AKAP12: variants seen among roughly 807,000 people sequenced by gnomAD.
AKAP12 encodes A-kinase anchoring protein 12, also known as A-kinase anchor protein 12.
Under a neutral mutation model 79.9 loss-of-function variants are expected in AKAP12, and 32 were observed. The observed-to-expected ratio is 0.40, with a 90% CI of 0.30 to 0.54. AKAP12 has a LOEUF of 0.54. Ranked by LOEUF, AKAP12 falls within the 20% of genes least tolerant of loss-of-function variation. The probability of loss-of-function intolerance (pLI) is 0.48; values close to 1 mark genes in which losing one functional copy is unlikely to be tolerated. For missense variants in AKAP12, 2,074 were observed against 2,177.0 expected, an observed-to-expected ratio of 0.95 and a Z score of 0.94; for synonymous variants, 808 against 857.0, an observed-to-expected ratio of 0.94 and a Z score of 1.00.
intron 3 of AKAP12, among the ~76,000 whole-genome samples, chr6:151,310,218 G>A (rs925288999): frequency 3.3e-5 from 5 of 152,008 alleles, no homozygotes; most frequent in Non-Finnish European, 7.4e-5. Context: ...CAAAAAATTA[G>A]CTGGGCGTGG....
At chr6:151,324,758 G>A (rs1047667215) in intron 3 of AKAP12, 34 of 985,200 alleles carry the variant, frequency 3.5e-5, no homozygotes, top group Non-Finnish European at 4.0e-5. Context: ...AAAAATTGGA[G>A]TACAAAAAAA....
At chr6:151,311,746 C>G (rs1278860385) in intron 3 of AKAP12, among the ~76,000 whole-genome samples, 1 of 152,188 alleles carries the variant, frequency 6.6e-6, no homozygotes, top group Non-Finnish European at 1.5e-5. Context: ...CCCACCAGCT[C>G]CTGGTGTACA....
chr6:151,243,398 C>G (rs1797015123), intron 2 of AKAP12, among the ~76,000 whole-genome samples: 1 of 152,192 alleles, frequency 6.6e-6, no homozygotes, highest in Non-Finnish European at 1.5e-5. Context: ...GATTTACTTT[C>G]CTTTTTTTCT....
intron 3 of AKAP12, among the ~76,000 whole-genome samples, chr6:151,336,717 T>C (rs538728194): frequency 2.6e-4 from 39 of 152,334 alleles, no homozygotes; most frequent in African/African-American, 9.4e-4. Flanking sequence ...CACTCCAGCC[T>C]GGGCGACAGA....
chr6:151,275,757 A>G (rs1304459608), intron 2 of AKAP12, among the ~76,000 whole-genome samples: 1 of 152,158 alleles, frequency 6.6e-6, no homozygotes. Flanking sequence ...CCTGCGTATC[A>G]TTTTCCTTCC....
chr6:151,357,633 T>C lies in AKAP12; in HGVS notation c.*1919T>C, dbSNP rs913065807. 6.6e-6 allele frequency: 1 copy of C among 151,534 alleles called. No homozygotes were observed. The highest frequency in any genetic ancestry group is 2.4e-5 in the African/African-American group (1 of 41,310). 9.4% of individuals were successfully genotyped at this position (151,534 alleles called of 1,614,324 possible). A position where few individuals can be genotyped will look rare whatever the true frequency, so the allele number is the denominator to read the frequency against. ...GGAAGTCATCTTTTAGGAGTTATTC[T>C]CAAATATATATAATAGCTACCCATG... On this transcript the variant is annotated 3_prime_UTR_variant, in exon 5 of 5. Coordinates refer to ENST00000402676, the MANE Select transcript of AKAP12 (RefSeq NM_005100.4).
At chr6:151,254,412 T>C (rs1797249986) in intron 2 of AKAP12, among the ~76,000 whole-genome samples, 1 of 151,960 alleles carries the variant, frequency 6.6e-6, no homozygotes, top group Non-Finnish European at 1.5e-5. Context: ...AGTGCAGTTG[T>C]GTGATCTCTG....
At chr6:151,341,682 C>T in intron 3 of AKAP12, 5 of 1,215,830 alleles carry the variant, frequency 4.1e-6, no homozygotes, top group East Asian at 6.5e-5. Context: ...GGAGTAAACT[C>T]TGCAGTGAGT....
At chr6:151,325,289 G>A (rs1484934184) in intron 3 of AKAP12, 2 of 985,324 alleles carry the variant, frequency 2.0e-6, no homozygotes, top group Non-Finnish European at 2.4e-6. Context: ...TCTTTAAAAT[G>A]GAGGGAGAAT....
At chr6:151,289,237 G>T (rs76692558) in intron 2 of AKAP12, among the ~76,000 whole-genome samples, 2,213 of 152,284 alleles carry the variant, frequency 0.015, 60 homozygotes, top group African/African-American at 0.051. Flanking sequence ...GCCCTCGAGC[G>T]CAGACGGGGA....
intron 2 of AKAP12, among the ~76,000 whole-genome samples, chr6:151,265,284 A>G (rs1582842668): frequency 6.6e-6 from 1 of 152,036 alleles, no homozygotes; most frequent in East Asian, 1.9e-4. Flanking sequence ...ACCCCTTTAA[A>G]GTGTACAGGT....
chr6:151,320,074 A>G (rs1777338702), intron 3 of AKAP12: 2 of 152,148 alleles, frequency 1.3e-5, no homozygotes. Context: ...CGTGACACTC[A>G]TATTTGGGTT....
intron 2 of AKAP12, among the ~76,000 whole-genome samples, chr6:151,284,051 TCTTAAGCGTATAG>T (rs1776455255): frequency 6.6e-6 from 1 of 152,186 alleles, no homozygotes; most frequent in Non-Finnish European, 1.5e-5. Context: ...AGCGAGCAAG[TCTTAAGCGTATAG>T]CTTGGTGAGT....
intron 3 of AKAP12, among the ~76,000 whole-genome samples, chr6:151,331,166 C>G (rs920518858): frequency 4.6e-5 from 7 of 152,070 alleles, no homozygotes; most frequent in African/African-American, 1.7e-4. Flanking sequence ...GTTTTGATTT[C>G]TTACTACATC....
intron 2 of AKAP12, among the ~76,000 whole-genome samples, chr6:151,271,497 T>C (rs1479598482): frequency 6.6e-6 from 1 of 151,946 alleles, no homozygotes; most frequent in Non-Finnish European, 1.5e-5. Flanking sequence ...AATTTTTGTA[T>C]TTTTTGTAGA....
chr6:151,341,792 TGTGG>T, intron 3 of AKAP12: 1 of 1,286,876 alleles, frequency 7.8e-7, no homozygotes, highest in Non-Finnish European at 1.0e-6. Context: ...GATGGGTGTG[TGTGG>T]GTTTTCCAGC....
Position 151,351,748 on chromosome 6 carries a change from C to T in AKAP12, c.3357C>T (p.Ser1119=), listed in dbSNP as rs1778296772. The T allele has an allele frequency of 3.7e-6, 6 of 1,614,158 alleles. No homozygotes were observed. In the East Asian group the frequency reaches 1.3e-4, roughly 36 times the overall value. Reference sequence around the variant, plus strand: ...TGGTGGGGCAGACCACCCCAGAAAGCTTTGAAAAAGCTCCTCAAGTCACAG... The same window carrying T: ...TGGTGGGGCAGACCACCCCAGAAAGTTTTGAAAAAGCTCCTCAAGTCACAG... The part of the protein sequence containing the change: ...GKVVGQTTPE[S]FEKAPQVTES... The change falls in exon 4 of 5, where the codon AGC becomes AGT. Residue 1119 remains serine (S), a synonymous_variant. Transcript: ENST00000402676. The surrounding 1 kb of genome is among the most constrained non-coding windows in gnomAD (Gnocchi z 4.4).
At position 151,293,800 on chromosome 6, in the gene AKAP12, A is replaced by G. The variant is rs573513317; in HGVS notation, c.163-11947A>G. On this transcript the variant is annotated intron_variant, in intron 2 of 4. Transcript: ENST00000402676. ...AGAATTCTTGGAATTGCCGGATTAC[A>G]TATTCTTCTCCCCTGAGAGGACACC... Among the ~76,000 whole-genome samples, 14 of 152,306 alleles carry G rather than the reference A, an allele frequency of 9.2e-5. No individual in the cohort carries two copies. In the South Asian group the frequency reaches 2.1e-3, roughly 23 times the overall value.
intron 3 of AKAP12, among the ~76,000 whole-genome samples, chr6:151,323,282 G>A (rs1777443401): frequency 6.6e-6 from 1 of 152,234 alleles, no homozygotes; most frequent in Admixed American, 6.5e-5. Flanking sequence ...CGGACGCAGT[G>A]GCTCATGCCT....
Sources: gnomAD v4.1 joint callset for allele counts (sites outside exome capture counted in the v4.1 genomes callset) on GRCh38, gnomAD v4.1.1 for gene constraint, Gnocchi (gnomAD v3.1) non-coding constraint, MANE v1.5 for transcripts, NCBI Gene and HGNC (gene_info 2026-07-23, HGNC 2026-07-21) for gene names.